ZFHX4: variants seen among roughly 807,000 people sequenced by gnomAD.
ZFHX4 encodes zinc finger homeobox 4, also known as zinc finger homeobox protein 4.
A neutral mutation model predicts 267.6 loss-of-function variants in ZFHX4; 56 were observed. The observed-to-expected ratio is 0.21, with a 90% CI of 0.17 to 0.26. ZFHX4 has a LOEUF of 0.26. Among genes scored for constraint, ZFHX4 ranks in the 10% least tolerant of loss-of-function variants. ZFHX4 has a pLI of 1.00. For missense variants in ZFHX4, 4,332 were observed against 4,420.0 expected (o/e 0.98, Z 0.56); for synonymous variants, 1,778 against 1,665.6 (o/e 1.07, Z -1.64).
intron 3 of ZFHX4, among the ~76,000 whole-genome samples, chr8:76,718,584 A>T (rs58304691): frequency 0.2 from 30,227 of 152,052 alleles, 3,581 homozygotes; most frequent in African/African-American, 0.34. Context: ...ATTTACAAAT[A>T]ACTTTTTTTC....
At position 76,705,659 on chromosome 8, in the gene ZFHX4, C is replaced by T; in HGVS notation, c.1571C>T (p.Ser524Phe). ...VLKFIEKGTS[S>F]SSATVSDDTE... is the part of the protein sequence containing the mutation. ...AAATTTATTGAAAAGGGTACCTCGTCCTCCTCGGCGACTGTTTCTGATGAC... is the reference window on the plus strand; with the variant it reads ...AAATTTATTGAAAAGGGTACCTCGTTCTCCTCGGCGACTGTTTCTGATGAC... Residue 524 changes from serine (S) to phenylalanine (F), a missense_variant, in exon 2 of 11, where the codon TCC becomes TTC. By Grantham distance (155) the Ser-to-Phe change is radical. This residue lies in a region of ZFHX4 where 1,195 missense variants were observed against 1,173.6 expected (regional missense o/e 1.02). Transcript: ENST00000651372. 1 of 1,613,990 alleles carries T rather than the reference C, an allele frequency of 6.2e-7. No homozygotes were observed. The highest frequency in any genetic ancestry group is 8.5e-7 in the Non-Finnish European group (1 of 1,179,892).
rs755281262 is a variant in ZFHX4, at chr8:76,851,279, A to C, written c.4358A>C (p.Glu1453Ala). The change falls in exon 10 of 11, where the codon GAA becomes GCA. Residue 1453 changes from glutamate (E) to alanine (A), a missense_variant. Physicochemically the swap from Glu to Ala is moderately radical, Grantham distance 107 (BLOSUM62 -1). Around this residue, in one of 7 missense-constraint regions of ZFHX4, gnomAD observed 1,371 missense variants for 1,423.1 expected, o/e 0.96. Transcript: ENST00000651372. Reference sequence around the variant, plus strand: ...GAAGCAGGCCACCCTGAACTGAGTGAAGCTGAACTTCAACAGCTATATGCC... The same window carrying C: ...GAAGCAGGCCACCCTGAACTGAGTGCAGCTGAACTTCAACAGCTATATGCC... ...HLEAGHPELS[E>A]AELQQLYASL... is the part of the protein sequence containing the mutation. The C allele has an allele frequency of 6.2e-7, 1 of 1,613,844 alleles. No individual in the cohort carries two copies. The highest frequency in any genetic ancestry group is 1.7e-5 in the Admixed American group (1 of 60,002).
At chr8:76,765,044 A>C (rs1810016523) in intron 3 of ZFHX4, among the ~76,000 whole-genome samples, 1 of 152,144 alleles carries the variant, frequency 6.6e-6, no homozygotes, top group Admixed American at 6.6e-5. Flanking sequence ...ATCTCGTAAA[A>C]ATTTTAAGTC....
chr8:76,789,929 A>G (rs1052736341), intron 4 of ZFHX4, among the ~76,000 whole-genome samples: 2 of 152,130 alleles, frequency 1.3e-5, no homozygotes, highest in South Asian at 2.1e-4. Flanking sequence ...TTTGGATTTC[A>G]CTTAAAATGT....
At chr8:76,795,523 A>G (rs1810955963) in intron 4 of ZFHX4, among the ~76,000 whole-genome samples, 1 of 151,258 alleles carries the variant, frequency 6.6e-6, no homozygotes, top group South Asian at 2.1e-4. Context: ...TTTGATCTTC[A>G]GAACAAAAAT....
intron 1 of ZFHX4, among the ~76,000 whole-genome samples, chr8:76,689,991 G>C (rs2131581909): frequency 6.6e-6 from 1 of 152,168 alleles, no homozygotes; most frequent in East Asian, 1.9e-4. Context: ...TCCAAGAAAA[G>C]TTGTGAGGAC....
intron 4 of ZFHX4, among the ~76,000 whole-genome samples, chr8:76,795,371 T>C (rs1438295254): frequency 6.6e-6 from 1 of 152,066 alleles, no homozygotes; most frequent in South Asian, 2.1e-4. Flanking sequence ...CCTTCAGGGC[T>C]CAAGTGATCC....
chr8:76,852,139 C>T lies in ZFHX4; in HGVS notation c.5218C>T (p.Pro1740Ser). 6.2e-7 allele frequency: 1 copy of T among 1,613,968 alleles called. No individual in the cohort carries two copies. Among genetic ancestry groups the T allele is most frequent in the Non-Finnish European group, 8.5e-7 (1 of 1,179,886 alleles). The change falls in exon 10 of 11, where the codon CCA becomes TCA. Residue 1740 changes from proline to serine, a missense_variant. Pro to Ser is a moderately conservative substitution (Grantham distance 74). Around this residue, in one of 7 missense-constraint regions of ZFHX4, gnomAD observed 1,371 missense variants for 1,423.1 expected, o/e 0.96. Transcript: ENST00000651372. The part of the protein sequence containing the change: ...LQFQQPQFLF[P>S]FYIPGTEFSL... The stretch of plus-strand genomic sequence containing the variant: ...GTTTCAGCAGCCTCAGTTTCTCTTT[C>T]CATTTTATATACCTGGGACGGAGTT...
At position 76,853,575 on chromosome 8, in the gene ZFHX4, C is replaced by T. The variant is rs981678029; in HGVS notation, c.6654C>T (p.Tyr2218=). The change falls in exon 10 of 11, where the codon TAC becomes TAT. Residue 2218 remains tyrosine, a synonymous_variant. Transcript: ENST00000651372. ...CACAGCCCACCTCTTTAGAACATTACAAATCTGATGCATCATTCAGTAAAA... is the reference window on the plus strand; with the variant it reads ...CACAGCCCACCTCTTTAGAACATTATAAATCTGATGCATCATTCAGTAAAA... ...IDPQPTSLEH[Y]KSDASFSKRS... 6.2e-7 allele frequency: 1 copy of T among 1,613,834 alleles called. No individual in the cohort carries two copies. The highest frequency in any genetic ancestry group is 8.5e-7 in the Non-Finnish European group (1 of 1,179,844).
chr8:76,741,643 G>A (rs1409407365), intron 3 of ZFHX4, among the ~76,000 whole-genome samples: 2 of 152,188 alleles, frequency 1.3e-5, no homozygotes, highest in Admixed American at 6.6e-5. Flanking sequence ...ACAAAGAAAG[G>A]TGCCCTGCAA....
intron 4 of ZFHX4, among the ~76,000 whole-genome samples, chr8:76,796,443 G>T (rs898692959): frequency 6.6e-6 from 1 of 152,080 alleles, no homozygotes; most frequent in Admixed American, 6.6e-5. Flanking sequence ...ATATTTTGAT[G>T]CTTTATTACA....
At chr8:76,769,452 C>T (rs1234383982) in intron 3 of ZFHX4, among the ~76,000 whole-genome samples, 6 of 151,994 alleles carry the variant, frequency 3.9e-5, no homozygotes, top group Non-Finnish European at 8.8e-5. Flanking sequence ...CAGGCTTAAG[C>T]GATCCTCCTA....
intron 4 of ZFHX4, among the ~76,000 whole-genome samples, chr8:76,805,958 AT>A (rs1811234512): frequency 6.6e-6 from 1 of 152,128 alleles, no homozygotes; most frequent in Admixed American, 6.6e-5. Flanking sequence ...CTTATCAACC[AT>A]GTCTTTGATC....
intron 3 of ZFHX4, among the ~76,000 whole-genome samples, chr8:76,746,555 A>T (rs1285228631): frequency 6.6e-6 from 1 of 152,266 alleles, no homozygotes; most frequent in Non-Finnish European, 1.5e-5. Context: ...TTTTTACTAA[A>T]TTTTTTAAAA....
chr8:76,712,411 T>C (rs891616214), intron 3 of ZFHX4, among the ~76,000 whole-genome samples: 2 of 152,080 alleles, frequency 1.3e-5, no homozygotes, highest in African/African-American at 2.4e-5. Flanking sequence ...TTTTTCTTAG[T>C]AGGAAATAAT....
At chr8:76,764,647 T>C (rs1028415248) in intron 3 of ZFHX4, among the ~76,000 whole-genome samples, 1 of 152,204 alleles carries the variant, frequency 6.6e-6, no homozygotes, top group African/African-American at 2.4e-5. Flanking sequence ...GAGACAAGGA[T>C]CACTTCAAAA....
chr8:76,749,920 C>T (rs1365436232), intron 3 of ZFHX4, among the ~76,000 whole-genome samples: 1 of 152,180 alleles, frequency 6.6e-6, no homozygotes, highest in Non-Finnish European at 1.5e-5. Context: ...TCTTCCTCTA[C>T]AGAGTCAGTA....
intron 3 of ZFHX4, among the ~76,000 whole-genome samples, chr8:76,736,277 T>C (rs1809157936): frequency 6.6e-6 from 1 of 151,984 alleles, no homozygotes. Context: ...AGTCAAGCCT[T>C]GAAAAAAAAC....
At chr8:76,821,786 G>A (rs1276741676) in intron 4 of ZFHX4, among the ~76,000 whole-genome samples, 3 of 152,070 alleles carry the variant, frequency 2.0e-5, no homozygotes, top group Non-Finnish European at 4.4e-5. Flanking sequence ...AAATATTGTC[G>A]ATGATAAATC....
Sources: gnomAD v4.1 joint callset for allele counts (sites outside exome capture counted in the v4.1 genomes callset) on GRCh38, gnomAD v4.1.1 for gene constraint, gnomAD v4.1.1 regional missense constraint, MANE v1.5 for transcripts, NCBI Gene and HGNC (gene_info 2026-07-23, HGNC 2026-07-21) for gene names.